UGT1A3: variants seen among roughly 807,000 people sequenced by gnomAD.
UGT1A3 encodes the protein UDP-glucuronosyltransferase 1A3.
In UGT1A3, 31 loss-of-function variants were observed where a neutral mutation model predicts 41.0. The ratio of observed to expected loss-of-function variants is 0.76; its 90% CI spans 0.57 to 1.02. UGT1A3 has a LOEUF of 1.02. UGT1A3 is among the 50% of genes least tolerant of loss of function. The pLI, the probability that UGT1A3 is intolerant of heterozygous loss-of-function variation, is 0.00. For missense variants in UGT1A3, 737 were observed against 671.0 expected, an observed-to-expected ratio of 1.10 and a Z score of -1.09; for synonymous variants, 262 against 257.6, an observed-to-expected ratio of 1.02 and a Z score of -0.17.
intron 1 of UGT1A3, chr2:233,760,815 A>G: frequency 6.2e-7 from 1 of 1,613,556 alleles, no homozygotes; most frequent in Non-Finnish European, 8.5e-7. Context: ...ATGCACTGCC[A>G]TGCAGCCTGG....
At chr2:233,760,167 A>T (rs982651614) in intron 1 of UGT1A3, 4 of 1,523,868 alleles carry the variant, frequency 2.6e-6, no homozygotes, top group Non-Finnish European at 2.6e-6. Flanking sequence ...ACCTTTGTGG[A>T]CTGACAGCTT....
chr2:233,747,917 C>T, intron 1 of UGT1A3: 6 of 1,613,510 alleles, frequency 3.7e-6, no homozygotes, highest in Non-Finnish European at 5.1e-6. Flanking sequence ...CAAGCCTTGC[C>T]TCTGAGCTTT....
At chr2:233,760,138 T>C (rs2125979054) in intron 1 of UGT1A3, 1 of 1,410,406 alleles carries the variant, frequency 7.1e-7, no homozygotes, top group African/African-American at 1.4e-5. Context: ...TCTTTATCTC[T>C]GAAAGTGAAC....
intron 1 of UGT1A3, among the ~76,000 whole-genome samples, chr2:233,762,717 G>GTT (rs34681509): frequency 7.1e-6 from 1 of 141,156 alleles, no homozygotes; most frequent in African/African-American, 2.6e-5. Context: ...ATTTTACACG[G>GTT]TTTTTTTTTT....
chr2:233,733,427 A>G (rs1444261298), intron 1 of UGT1A3, among the ~76,000 whole-genome samples: 1 of 152,208 alleles, frequency 6.6e-6, no homozygotes, highest in Non-Finnish European at 1.5e-5. Context: ...CCTACTCAGT[A>G]TGATATTGGC....
In UGT1A3 at chr2:233,772,599, C is replaced by G. The variant is rs1313882407; in HGVS notation, c.*40C>G. 1 of 1,591,492 alleles carries G rather than the reference C, an allele frequency of 6.3e-7. No homozygotes were observed. Among genetic ancestry groups the G allele is most frequent in the Admixed American group, 1.8e-5 (1 of 56,352 alleles). On this transcript the variant is annotated 3_prime_UTR_variant, in exon 5 of 5. Transcript: ENST00000482026. Reference sequence around the variant, plus strand: ...ATAAGGTAAAATTTTGAACCATTCCCTAGTCATTTCCAAACTTGAAAACAG... The same window carrying G: ...ATAAGGTAAAATTTTGAACCATTCCGTAGTCATTTCCAAACTTGAAAACAG...
At position 233,729,612 on chromosome 2, in the gene UGT1A3, T is replaced by G. The variant is rs769549634; in HGVS notation, c.486T>G (p.Ala162=). The change falls in exon 1 of 5, where the codon GCT becomes GCG. Residue 162 remains alanine (A), a synonymous_variant. Coordinates refer to ENST00000482026, the MANE Select transcript of UGT1A3 (RefSeq NM_019093.4). ...DPVNLCAAVL[A]KYLSIPTVFF... ...TTAACCTCTGCGCGGCAGTGCTGGC[T>G]AAGTACCTGTCGATTCCTACTGTGT... is the stretch of plus-strand genomic sequence containing the variant. 6 of 1,614,046 alleles carry G rather than the reference T, an allele frequency of 3.7e-6. No individual in the cohort carries two copies. In the South Asian group the frequency reaches 6.6e-5, roughly 18 times the overall value.
intron 1 of UGT1A3, among the ~76,000 whole-genome samples, chr2:233,736,051 TG>T (rs2078724849): frequency 6.6e-6 from 1 of 152,250 alleles, no homozygotes; most frequent in South Asian, 2.1e-4. Context: ...ATTTGAATGT[TG>T]GCCTGCCTTG....
At chr2:233,768,541 A>G in intron 4 of UGT1A3, 102 bp downstream of exon 4, 3 of 1,492,216 alleles carry the variant, frequency 2.0e-6, no homozygotes, top group South Asian at 1.3e-5. Context: ...GTTGTTTCAA[A>G]TATAAAAACA....
At chr2:233,733,983 C>A (rs1268250784) in intron 1 of UGT1A3, among the ~76,000 whole-genome samples, 1 of 151,994 alleles carries the variant, frequency 6.6e-6, no homozygotes, top group African/African-American at 2.4e-5. Context: ...GGAGGGATAG[C>A]ATTAGGAGAT....
At chr2:233,759,132 G>A (rs532304308) in intron 1 of UGT1A3, among the ~76,000 whole-genome samples, 12 of 152,322 alleles carry the variant, frequency 7.9e-5, no homozygotes, top group Non-Finnish European at 1.8e-4. Context: ...CCTCTGGTAC[G>A]CAATGAAGGT....
chr2:233,743,691 C>T (rs368518074), intron 1 of UGT1A3: 24 of 1,367,118 alleles, frequency 1.8e-5, no homozygotes, highest in Non-Finnish European at 2.2e-5. Context: ...CCTGTGCAGC[C>T]GCCCTCCGCC....
chr2:233,743,051 C>T, intron 1 of UGT1A3: 1 of 319,368 alleles, frequency 3.1e-6, no homozygotes, highest in Non-Finnish European at 6.1e-6. Context: ...CGTGTAGTCC[C>T]AACGATAAGA....
rs1559415894 is a variant in UGT1A3, at chr2:233,768,434, C to CA, written c.1306dup (p.Ser436LysfsTer74). 6.2e-7 allele frequency: 1 copy of CA among 1,613,634 alleles called. No individual in the cohort carries two copies. The highest frequency in any genetic ancestry group is 1.1e-5 in the South Asian group (1 of 90,992). Reference sequence around the variant, plus strand: ...ATGCTCTAAAAGCAGTCATCAATGACAAAAGGTAAGAAAGAAGATACAGAA... The same window carrying CA: ...ATGCTCTAAAAGCAGTCATCAATGACAAAAAGGTAAGAAAGAAGATACAGAA... On this transcript the variant is annotated frameshift_variant, in exon 4 of 5. Transcript: ENST00000482026. LOFTEE classifies it high-confidence loss of function.
intron 3 of UGT1A3, 70 bp from the exon 4 acceptor site, chr2:233,768,150 G>A: frequency 6.2e-7 from 1 of 1,611,942 alleles, no homozygotes; most frequent in Middle Eastern, 1.7e-4. Flanking sequence ...AGTGTTTTCA[G>A]AACCTAGATG....
intron 1 of UGT1A3, among the ~76,000 whole-genome samples, chr2:233,736,806 A>C (rs1345730820): frequency 6.6e-6 from 1 of 152,210 alleles, no homozygotes; most frequent in African/African-American, 2.4e-5. Context: ...AGTTTGCTGG[A>C]GGTCCACTCC....
chr2:233,743,812 G>C (rs1692526779), intron 1 of UGT1A3: 1 of 1,367,182 alleles, frequency 7.3e-7, no homozygotes, highest in African/African-American at 1.5e-5. Flanking sequence ...TGTTCTCAGG[G>C]TTTTTGTCGG....
At chr2:233,766,541 T>C (rs1699176762) in intron 1 of UGT1A3, among the ~76,000 whole-genome samples, 1 of 152,156 alleles carries the variant, frequency 6.6e-6, no homozygotes, top group Non-Finnish European at 1.5e-5. Context: ...AAAACAAAAA[T>C]GCCTGTCCTC....
chr2:233,736,073 G>A (rs972063908), intron 1 of UGT1A3, among the ~76,000 whole-genome samples: 1 of 152,142 alleles, frequency 6.6e-6, no homozygotes, highest in Non-Finnish European at 1.5e-5. Flanking sequence ...CTAGGTTTGG[G>A]AAGTTCTCCT....
Sources: allele counts gnomAD v4.1 joint callset (sites outside exome capture counted in the v4.1 genomes callset), GRCh38; gene constraint gnomAD v4.1.1; transcripts MANE v1.5; gene names NCBI Gene and HGNC (gene_info 2026-07-23, HGNC 2026-07-21).